Variants in RFC1 observed in about 807,000 individuals in gnomAD.
RFC1 encodes the protein A1 140 kDa subunit.
A neutral mutation model predicts 137.4 loss-of-function variants in RFC1; 37 were observed. The ratio of observed to expected loss-of-function variants is 0.27; its 90% CI spans 0.21 to 0.35. The LOEUF (loss-of-function observed/expected upper bound fraction) is 0.35, where lower values mean the gene tolerates loss of function less well. RFC1 is among the 10% of genes least tolerant of loss of function. The pLI is 1.00. For missense variants in RFC1, 1,205 were observed against 1,358.5 expected, an observed-to-expected ratio of 0.89 and a Z score of 1.78; for synonymous variants, 429 against 455.7, an observed-to-expected ratio of 0.94 and a Z score of 0.75.
chr4:39,302,474 T>C (rs756191649), intron 18 of RFC1, 26 bp downstream of exon 18: 3 of 1,524,704 alleles, frequency 2.0e-6, no homozygotes, highest in Admixed American at 3.4e-5. Context: ...AATCAACAAC[T>C]GTTACATGAT....
At chr4:39,328,743 G>C (rs1739917843) in intron 4 of RFC1, among the ~76,000 whole-genome samples, 1 of 152,124 alleles carries the variant, frequency 6.6e-6, no homozygotes, top group Non-Finnish European at 1.5e-5. Flanking sequence ...ATCCACTGGA[G>C]AATTCTGAGA....
At chr4:39,351,067 G>T (rs193049629) in intron 2 of RFC1, among the ~76,000 whole-genome samples, 1 of 151,784 alleles carries the variant, frequency 6.6e-6, no homozygotes, top group South Asian at 2.1e-4. Flanking sequence ...TGGCTAACAC[G>T]GTGAAACCCC....
rs1214941442 is a variant in RFC1, at chr4:39,302,730, A to C, written c.2340+7T>G. The C allele has an allele frequency of 6.4e-7, 1 of 1,564,650 alleles. No homozygotes were observed. The highest frequency in any genetic ancestry group is 1.4e-5 in the African/African-American group (1 of 72,366). The stretch of plus-strand genomic sequence containing the variant: ...GTGTGATGGAAAAAAAATTTCAATC[A>C]TCATACCTTAATCTGTTCAACCCGA... On this transcript the variant is annotated splice_region_variant and intron_variant, in intron 17 of 24. Coordinates refer to ENST00000349703, the MANE Select transcript of RFC1 (RefSeq NM_002913.5).
At chr4:39,347,115 C>T (rs777730303) in intron 2 of RFC1, among the ~76,000 whole-genome samples, 4 of 152,214 alleles carry the variant, frequency 2.6e-5, no homozygotes, top group Non-Finnish European at 5.9e-5. Context: ...GAAATGTGAC[C>T]TGTGGAGGCT....
intron 6 of RFC1, among the ~76,000 whole-genome samples, chr4:39,324,485 T>A (rs1463614675): frequency 6.6e-6 from 1 of 152,222 alleles, no homozygotes; most frequent in East Asian, 1.9e-4. Context: ...CTAGGCTACT[T>A]GTGCTACCTT....
intron 1 of RFC1, among the ~76,000 whole-genome samples, chr4:39,359,638 C>T (rs915804702): frequency 5.3e-5 from 8 of 151,910 alleles, no homozygotes; most frequent in South Asian, 2.1e-4. Context: ...ATGGCTAACA[C>T]GGTGAAACCC....
At chr4:39,342,502 A>G (rs1050206152) in intron 3 of RFC1, 35 bp from the exon 4 acceptor site, 1 of 1,600,896 alleles carries the variant, frequency 6.2e-7, no homozygotes, top group Non-Finnish European at 8.5e-7. Context: ...AAAACTTTGA[A>G]AAGAACTATT....
At chr4:39,320,781 C>T in intron 8 of RFC1, 112 bp from the exon 9 acceptor site, 1 of 999,514 alleles carries the variant, frequency 1.0e-6, no homozygotes, top group South Asian at 2.1e-5. Context: ...CCCTGAAGGC[C>T]CAAAGTCCTA....
chr4:39,316,144 C>T (rs1348713177), intron 10 of RFC1, among the ~76,000 whole-genome samples: 2 of 152,204 alleles, frequency 1.3e-5, no homozygotes, highest in Admixed American at 6.5e-5. Flanking sequence ...GCAGGAGAAT[C>T]GCTTGAACCC....
chr4:39,306,140 G>T (rs989728796), intron 14 of RFC1, among the ~76,000 whole-genome samples: 1 of 152,214 alleles, frequency 6.6e-6, no homozygotes, highest in African/African-American at 2.4e-5. Context: ...ACACAGTGCT[G>T]AAGAGCAGAA....
At chr4:39,303,582 T>C (rs981291994) in intron 15 of RFC1, among the ~76,000 whole-genome samples, 2 of 152,162 alleles carry the variant, frequency 1.3e-5, no homozygotes, top group Non-Finnish European at 2.9e-5. Context: ...GCCTCCCAAG[T>C]AGCTGAGATT....
At position 39,366,291 on chromosome 4, in the gene RFC1, G is replaced by A; in HGVS notation, c.-50C>T. 1.3e-6 allele frequency: 2 copies of A among 1,514,774 alleles called. No individual in the cohort carries two copies. Among genetic ancestry groups the A allele is most frequent in the East Asian group, 2.5e-5 (1 of 39,410 alleles). The allele number at this position is 1,514,774 out of a possible 1,614,324, so 93.8% of individuals were successfully genotyped here. ...GCTGGCTGGCGGGTGGGCCGGTTGA[G>A]GAATCTGTTATCGAGGCTCAGGATC... On this transcript the variant is annotated 5_prime_UTR_variant, in exon 1 of 25. Coordinates refer to ENST00000349703, the MANE Select transcript of RFC1 (RefSeq NM_002913.5).
chr4:39,295,579 C>T lies in RFC1; in HGVS notation c.2954+35G>A, dbSNP rs1331414887. ...TGGATAAAGGCCAAATACACCAAAT[C>T]GATAAAATACCCGAAACAGAGTAAT... On this transcript the variant is annotated intron_variant, in intron 22 of 24. Coordinates refer to ENST00000349703, the MANE Select transcript of RFC1 (RefSeq NM_002913.5). 1.9e-6 allele frequency: 3 copies of T among 1,549,970 alleles called. No homozygotes were observed. The Admixed American group carries it at 5.7e-5, about 29-fold the overall frequency.
intron 1 of RFC1, among the ~76,000 whole-genome samples, chr4:39,365,203 T>C (rs1055511692): frequency 5.4e-5 from 8 of 147,496 alleles, no homozygotes; most frequent in Non-Finnish European, 1.2e-4. Context: ...GTTCACATAT[T>C]GACCTAAAGA....
intron 4 of RFC1, among the ~76,000 whole-genome samples, chr4:39,334,983 A>G (rs1740282852): frequency 6.6e-6 from 1 of 152,198 alleles, no homozygotes; most frequent in South Asian, 2.1e-4. Flanking sequence ...ATCTATTTAA[A>G]AGGCAAAAAG....
intron 6 of RFC1, among the ~76,000 whole-genome samples, chr4:39,324,546 A>T (rs1220625410): frequency 6.6e-6 from 1 of 152,248 alleles, no homozygotes; most frequent in Non-Finnish European, 1.5e-5. Context: ...GTGATCAAAT[A>T]AGATAGAAAA....
At chr4:39,290,087 A>C (rs1391661438) in intron 23 of RFC1, 48 bp from the exon 24 acceptor site, 3 of 1,391,084 alleles carry the variant, frequency 2.2e-6, no homozygotes, top group South Asian at 1.3e-5. Context: ...AGTCCCAAAC[A>C]ATTCTTTTAA....
intron 1 of RFC1, among the ~76,000 whole-genome samples, chr4:39,359,815 C>T (rs1002095294): frequency 1.4e-5 from 2 of 146,010 alleles, no homozygotes. Context: ...GAGCGAGACT[C>T]TGTCTCAAAA....
chr4:39,335,228 C>T (rs1208291771), intron 4 of RFC1, among the ~76,000 whole-genome samples: 2 of 152,232 alleles, frequency 1.3e-5, no homozygotes, highest in East Asian at 3.9e-4. Context: ...TTCCTTGAGT[C>T]AAAAATCTAA....
Sources: allele counts gnomAD v4.1 joint callset (sites outside exome capture counted in the v4.1 genomes callset), GRCh38; gene constraint gnomAD v4.1.1; transcripts MANE v1.5; gene names NCBI Gene and HGNC (gene_info 2026-07-23, HGNC 2026-07-21).